The following XIRP2 variants were observed in gnomAD, a reference collection of about 807,000 sequenced individuals.
XIRP2 encodes xin actin-binding repeat-containing protein 2.
XIRP2 carries 236 observed loss-of-function variants against 277.0 expected under a neutral mutation model. The ratio of observed to expected loss-of-function variants is 0.85; its 90% CI spans 0.77 to 0.95. XIRP2 has a LOEUF of 0.95. Ranked by LOEUF, XIRP2 falls within the 40% of genes least tolerant of loss-of-function variation. The pLI, the probability that XIRP2 is intolerant of heterozygous loss-of-function variation, is 0.00. For missense variants in XIRP2, 4,640 were observed against 4,157.5 expected (o/e 1.12, Z -3.19); for synonymous variants, 1,490 against 1,416.5 (o/e 1.05, Z -1.17).
At chr2:167,154,477 C>A (rs958508401) in intron 3 of XIRP2, among the ~76,000 whole-genome samples, 1 of 150,704 alleles carries the variant, frequency 6.6e-6, no homozygotes, top group Non-Finnish European at 1.5e-5. Flanking sequence ...ACATGAAGTC[C>A]TTGCCCATGC....
chr2:167,034,957 G>A (rs1688471264), intron 2 of XIRP2, among the ~76,000 whole-genome samples: 1 of 152,154 alleles, frequency 6.6e-6, no homozygotes, highest in Non-Finnish European at 1.5e-5. Flanking sequence ...TTGTGATAGT[G>A]AATAAGTCTC....
chr2:167,045,535 A>C (rs2105526421), intron 2 of XIRP2, among the ~76,000 whole-genome samples: 1 of 152,176 alleles, frequency 6.6e-6, no homozygotes, highest in South Asian at 2.1e-4. Context: ...GGAATCTATA[A>C]GGAACTTAAA....
intron 2 of XIRP2, among the ~76,000 whole-genome samples, chr2:167,050,197 A>G (rs1475989025): frequency 2.6e-5 from 4 of 151,940 alleles, no homozygotes; most frequent in African/African-American, 7.2e-5. Context: ...AACTGCCACA[A>G]CCCTGGCCTG....
chr2:167,038,223 T>C (rs1326734364), intron 2 of XIRP2, among the ~76,000 whole-genome samples: 3 of 152,034 alleles, frequency 2.0e-5, no homozygotes, highest in African/African-American at 7.2e-5. Flanking sequence ...TTGCTATTTT[T>C]AAAACAAATT....
In XIRP2 at chr2:167,207,537, T is replaced by G. The variant is rs575160975; in HGVS notation, c.563-3198T>G. Among the ~76,000 whole-genome samples the G allele has an allele frequency of 3.3e-5, 5 of 152,298 alleles. No homozygotes were observed. The South Asian group carries it at 1.0e-3, about 32-fold the overall frequency. Reference sequence around the variant, plus strand: ...ATAAATATTGTACCAATGTGTGTTTTTTAAATGTTTTAAACATGGACTCTC... The same window carrying G: ...ATAAATATTGTACCAATGTGTGTTTGTTAAATGTTTTAAACATGGACTCTC... On this transcript the variant is annotated intron_variant, in intron 3 of 10. Coordinates refer to ENST00000409195, the MANE Select transcript of XIRP2 (RefSeq NM_152381.6).
At chr2:167,063,976 A>G (rs1213011769) in intron 2 of XIRP2, among the ~76,000 whole-genome samples, 5 of 151,658 alleles carry the variant, frequency 3.3e-5, no homozygotes, top group South Asian at 2.1e-4. Flanking sequence ...AATGATTACA[A>G]TTACTTTCAA....
intron 2 of XIRP2, among the ~76,000 whole-genome samples, chr2:166,998,859 C>T (rs1328970089): frequency 6.6e-6 from 1 of 152,146 alleles, no homozygotes; most frequent in Admixed American, 6.5e-5. Flanking sequence ...CACCTGAGGT[C>T]TCATGCTGCC....
chr2:167,173,447 T>A (rs535748190), intron 3 of XIRP2, among the ~76,000 whole-genome samples: 2 of 152,220 alleles, frequency 1.3e-5, no homozygotes, highest in Non-Finnish European at 2.9e-5. Flanking sequence ...CATGTTGTTG[T>A]AAATGACAGA....
Position 167,249,008 on chromosome 2 carries a change from A to C in XIRP2, c.7616A>C (p.Lys2539Thr), listed in dbSNP as rs774047005. 1 of 1,610,738 alleles carries C rather than the reference A, an allele frequency of 6.2e-7. No individual in the cohort carries two copies. The highest frequency in any genetic ancestry group is 1.3e-5 in the African/African-American group (1 of 74,520). The change falls in exon 9 of 11, where the codon AAA (lysine) becomes ACA (threonine). Residue 2539 changes from lysine to threonine, a missense_variant. Lys to Thr is a moderately conservative substitution (Grantham distance 78). Coordinates refer to ENST00000409195, the MANE Select transcript of XIRP2 (RefSeq NM_152381.6). ...CAAAATCCAAAACCTTATATGAGAA[A>C]ATTTAAGACACCTTTAATGATTGCT... ...GQQNPKPYMR[K>T]FKTPLMIAEE...
chr2:167,090,855 T>C (rs1327994630), intron 2 of XIRP2, among the ~76,000 whole-genome samples: 1 of 152,088 alleles, frequency 6.6e-6, no homozygotes, highest in Non-Finnish European at 1.5e-5. Context: ...ATGAGGCATC[T>C]GCCCCCATAA....
chr2:167,127,510 C>T (rs2105310190), intron 2 of XIRP2, among the ~76,000 whole-genome samples: 1 of 152,206 alleles, frequency 6.6e-6, no homozygotes, highest in South Asian at 2.1e-4. Flanking sequence ...CTTTGTTTGC[C>T]CCCCAAATGC....
rs533885582 is a variant in XIRP2 at position 167,030,657 on chromosome 2, G to A, written c.409-105252G>A. ...ATGTGATCAATTTTAGAATAAGTGCGATGTGGTGCTGAGAAGAATATATAT... is the reference window on the plus strand; with the variant it reads ...ATGTGATCAATTTTAGAATAAGTGCAATGTGGTGCTGAGAAGAATATATAT... On this transcript the variant is annotated intron_variant, in intron 2 of 10. Transcript: ENST00000409195. 7.9e-5 allele frequency among the ~76,000 whole-genome samples: 12 copies of A among 152,232 alleles called. No homozygotes were observed. The South Asian group carries it at 1.2e-3, about 16-fold the overall frequency.
chr2:167,198,720 A>G (rs1693594197), intron 3 of XIRP2, among the ~76,000 whole-genome samples: 1 of 152,172 alleles, frequency 6.6e-6, no homozygotes, highest in African/African-American at 2.4e-5. Context: ...TTACTTCCAG[A>G]AGAGTAGGTT....
chr2:167,172,825 T>A (rs1001288866), intron 3 of XIRP2, among the ~76,000 whole-genome samples: 7 of 152,280 alleles, frequency 4.6e-5, no homozygotes, highest in African/African-American at 1.7e-4. Context: ...GTGACATTCA[T>A]CCTCAGCTTA....
chr2:167,015,670 G>T (rs1373243118), intron 2 of XIRP2, among the ~76,000 whole-genome samples: 1 of 151,740 alleles, frequency 6.6e-6, no homozygotes, highest in Non-Finnish European at 1.5e-5. Context: ...TGAGGGCTAT[G>T]TAAATATATC....
intron 2 of XIRP2, among the ~76,000 whole-genome samples, chr2:167,090,115 A>C (rs1231024641): frequency 6.6e-6 from 1 of 152,140 alleles, no homozygotes; most frequent in East Asian, 1.9e-4. Context: ...TTGTGTCTTT[A>C]TGAACTTACT....
chr2:167,246,028 G>T lies in XIRP2; in HGVS notation c.4636G>T (p.Glu1546Ter). 1 of 1,613,282 alleles carries T rather than the reference G, an allele frequency of 6.2e-7. No individual in the cohort carries two copies. The highest frequency in any genetic ancestry group is 8.5e-7 in the Non-Finnish European group (1 of 1,179,666). ...EFNETRVEKI[E>*]IIGKSIKETL... ...TAATGAAACTAGAGTAGAAAAGATAGAAATTATTGGCAAGAGCATTAAAGA... is the reference window on the plus strand; with the variant it reads ...TAATGAAACTAGAGTAGAAAAGATATAAATTATTGGCAAGAGCATTAAAGA... Residue 1546 changes from glutamate (E) to a stop codon, truncating the protein, a stop_gained, in exon 9 of 11, where the codon GAA (glutamate) becomes TAA (stop). Coordinates refer to ENST00000409195, the MANE Select transcript of XIRP2 (RefSeq NM_152381.6). LOFTEE classifies it high-confidence loss of function.
intron 2 of XIRP2, among the ~76,000 whole-genome samples, chr2:166,939,610 G>A (rs181913587): frequency 6.8e-6 from 1 of 147,398 alleles, no homozygotes; most frequent in East Asian, 2.0e-4. Flanking sequence ...AACCCAGGAG[G>A]TGGAGCTTTC....
At chr2:167,179,763 T>C (rs924076726) in intron 3 of XIRP2, among the ~76,000 whole-genome samples, 4 of 151,986 alleles carry the variant, frequency 2.6e-5, no homozygotes, top group South Asian at 2.1e-4. Flanking sequence ...CCTCAGCCTC[T>C]AACGTAGCTG....
Sources: allele counts gnomAD v4.1 joint callset (sites outside exome capture counted in the v4.1 genomes callset), GRCh38; gene constraint gnomAD v4.1.1; transcripts MANE v1.5; gene names NCBI Gene and HGNC (gene_info 2026-07-23, HGNC 2026-07-21).